Variants in RNLS observed in about 807,000 individuals in gnomAD.
The protein encoded by RNLS is renalase.
In RNLS, 39 loss-of-function variants were observed where a neutral mutation model predicts 39.8. The ratio of observed to expected loss-of-function variants is 0.98; its 90% CI spans 0.76 to 1.28. The LOEUF (loss-of-function observed/expected upper bound fraction) is 1.28. RNLS is among the 50% of genes most tolerant of loss of function. The probability of loss-of-function intolerance (pLI) is 0.00; values close to 1 mark genes in which losing one functional copy is unlikely to be tolerated. For missense variants in RNLS, 410 were observed against 413.3 expected, an observed-to-expected ratio of 0.99 and a Z score of 0.07; for synonymous variants, 147 against 150.7, an observed-to-expected ratio of 0.98 and a Z score of 0.18.
downstream of RNLS, among the ~76,000 whole-genome samples, chr10:88,272,801 T>G (rs1203640598): frequency 6.6e-6 from 1 of 152,216 alleles, no homozygotes; most frequent in African/African-American, 2.4e-5. Flanking sequence ...ATTGCAAAAT[T>G]GCTTTGAATC....
chr10:88,221,369 TA>T, the RNLS span, among the ~76,000 whole-genome samples: 8 of 152,330 alleles, frequency 5.3e-5, no homozygotes, highest in African/African-American at 1.9e-4. Context: ...AAAATGAATG[TA>T]GACCTTGAAC....
At chr10:88,445,170 T>A (rs995837521) in intron 4 of RNLS, among the ~76,000 whole-genome samples, 1 of 152,150 alleles carries the variant, frequency 6.6e-6, no homozygotes, top group Non-Finnish European at 1.5e-5. Context: ...CATTCAACAT[T>A]CGTAAAGAAA....
chr10:88,335,784 T>G (rs1480412427), intron 5 of RNLS, among the ~76,000 whole-genome samples: 2 of 152,202 alleles, frequency 1.3e-5, no homozygotes, highest in African/African-American at 4.8e-5. Context: ...TCACTATGGG[T>G]TGATTTTTAG....
At chr10:88,496,419 A>G (rs1388960996) in intron 4 of RNLS, among the ~76,000 whole-genome samples, 1 of 152,190 alleles carries the variant, frequency 6.6e-6, no homozygotes, top group African/African-American at 2.4e-5. Context: ...AGGAAGAAGC[A>G]GTGGCCTGAC....
chr10:88,526,059 A>G lies in RNLS; in HGVS notation c.526+46844T>C, dbSNP rs150781825. Among the ~76,000 whole-genome samples, 667 of 152,194 alleles carry G rather than the reference A, an allele frequency of 4.4e-3. 4 individuals carry two copies. Among genetic ancestry groups the G allele is most frequent in the Non-Finnish European group, 8.2e-3 (555 of 68,002 alleles). On this transcript the variant is annotated intron_variant, in intron 4 of 6. Coordinates refer to ENST00000331772, the MANE Select transcript of RNLS (RefSeq NM_001031709.3). ...AATGAATCCAGCAAAGCTGCAACTTAACTCTTGTTTAAACCTACTTCATCT... is the reference window on the plus strand; with the variant it reads ...AATGAATCCAGCAAAGCTGCAACTTGACTCTTGTTTAAACCTACTTCATCT...
intron 4 of RNLS, among the ~76,000 whole-genome samples, chr10:88,436,138 G>A (rs568607578): frequency 6.6e-6 from 1 of 152,052 alleles, no homozygotes; most frequent in African/African-American, 2.4e-5. Flanking sequence ...AAGGGACATG[G>A]GAAAGTAAAG....
chr10:88,435,730 G>A (rs1207955950), intron 4 of RNLS, among the ~76,000 whole-genome samples: 1 of 152,102 alleles, frequency 6.6e-6, no homozygotes, highest in Non-Finnish European at 1.5e-5. Flanking sequence ...GATAATGATA[G>A]TGACCCCTCA....
At chr10:88,458,776 G>A (rs942429938) in intron 4 of RNLS, among the ~76,000 whole-genome samples, 1 of 152,068 alleles carries the variant, frequency 6.6e-6, no homozygotes, top group African/African-American at 2.4e-5. Flanking sequence ...GTCCTCAACC[G>A]GGCTTTGAAA....
At chr10:88,297,972 T>C (rs558868333) in intron 6 of RNLS, among the ~76,000 whole-genome samples, 1 of 152,282 alleles carries the variant, frequency 6.6e-6, no homozygotes, top group South Asian at 2.1e-4. Context: ...GTTCCATTTC[T>C]TCACATCCTC....
intron 4 of RNLS, among the ~76,000 whole-genome samples, chr10:88,466,104 A>G (rs1476676135): frequency 6.6e-6 from 1 of 152,122 alleles, no homozygotes; most frequent in African/African-American, 2.4e-5. Context: ...GACATTCACT[A>G]TGAGCAGATG....
At chr10:88,521,280 G>A (rs961045361) in intron 4 of RNLS, among the ~76,000 whole-genome samples, 1 of 152,042 alleles carries the variant, frequency 6.6e-6, no homozygotes, top group African/African-American at 2.4e-5. Context: ...TAAAGACTAT[G>A]CTTTGACAGA....
intron 4 of RNLS, among the ~76,000 whole-genome samples, chr10:88,569,023 A>G (rs551190980): frequency 6.6e-6 from 1 of 152,346 alleles, no homozygotes; most frequent in East Asian, 1.9e-4. Flanking sequence ...AGATGCAGGC[A>G]TAAAAACAAA....
intron 4 of RNLS, among the ~76,000 whole-genome samples, chr10:88,531,783 C>T (rs558611484): frequency 2.0e-5 from 3 of 152,108 alleles, no homozygotes; most frequent in South Asian, 2.1e-4. Context: ...CTAAATATTA[C>T]GTAGATTGAC....
intron 4 of RNLS, among the ~76,000 whole-genome samples, chr10:88,425,640 G>A (rs1854701945): frequency 6.6e-6 from 1 of 151,984 alleles, no homozygotes; most frequent in Admixed American, 6.6e-5. Flanking sequence ...TTGCTCTCAA[G>A]GAATTTAAAA....
the RNLS span, among the ~76,000 whole-genome samples, chr10:88,237,251 T>TTCCC: frequency 1.9e-5 from 2 of 105,710 alleles, no homozygotes; most frequent in Non-Finnish European, 3.6e-5. Context: ...CCTTCCTTCC[T>TTCCC]TCCCTCCCTT....
intron 4 of RNLS, among the ~76,000 whole-genome samples, chr10:88,459,494 A>C (rs1434216475): frequency 6.6e-6 from 1 of 152,194 alleles, no homozygotes; most frequent in Admixed American, 6.6e-5. Flanking sequence ...GTATTGTACC[A>C]TTGCAGAAAG....
At position 88,582,268 on chromosome 10, in the gene RNLS, T is replaced by G; in HGVS notation, c.158A>C (p.Gln53Pro). ...MTTACSPHNP[Q>P]CTADLGAQYI... The stretch of plus-strand genomic sequence containing the variant: ...CTGAGCACCCAAGTCAGCTGTGCAC[T>G]GAGGATTATGAGGACTGCAGGCTGT... The change falls in exon 2 of 7, where the codon CAG becomes CCG. Residue 53 changes from glutamine (Q) to proline (P), a missense_variant. Physicochemically the swap from Gln to Pro is moderately conservative, Grantham distance 76. Transcript: ENST00000331772. The G allele has an allele frequency of 6.2e-7, 1 of 1,614,048 alleles. No homozygotes were observed. The highest frequency in any genetic ancestry group is 8.5e-7 in the Non-Finnish European group (1 of 1,179,962).
chr10:88,499,749 A>G (rs1845368762), intron 4 of RNLS, among the ~76,000 whole-genome samples: 1 of 152,208 alleles, frequency 6.6e-6, no homozygotes, highest in South Asian at 2.1e-4. Context: ...CACCTGGGCA[A>G]TCAACTTCTG....
chr10:88,510,535 A>G (rs1211686521), intron 4 of RNLS, among the ~76,000 whole-genome samples: 1 of 152,130 alleles, frequency 6.6e-6, no homozygotes, highest in African/African-American at 2.4e-5. Flanking sequence ...GGATATATGT[A>G]TATCACCAGA....
Sources: gnomAD v4.1 joint callset for allele counts (sites outside exome capture counted in the v4.1 genomes callset) on GRCh38, gnomAD v4.1.1 for gene constraint, MANE v1.5 for transcripts, NCBI Gene and HGNC (gene_info 2026-07-23, HGNC 2026-07-21) for gene names.